SRGAP1: variants seen among roughly 807,000 people sequenced by gnomAD.
SRGAP1 encodes SLIT-ROBO Rho GTPase activating protein 1.
Under a neutral mutation model 121.9 loss-of-function variants are expected in SRGAP1, and 43 were observed. That is an observed-to-expected ratio of 0.35 (90% CI 0.28 to 0.46). SRGAP1 has a LOEUF of 0.46. Ranked by LOEUF, SRGAP1 falls within the 20% of genes least tolerant of loss-of-function variation. SRGAP1 has a pLI of 1.00. For missense variants in SRGAP1, 1,102 were observed against 1,350.9 expected (o/e 0.82, Z 2.89); for synonymous variants, 447 against 485.4 (o/e 0.92, Z 1.04).
intron 4 of SRGAP1, among the ~76,000 whole-genome samples, chr12:64,037,028 C>T (rs1287938719): frequency 6.6e-6 from 1 of 152,144 alleles, no homozygotes; most frequent in Non-Finnish European, 1.5e-5. Flanking sequence ...AAAGACAATA[C>T]TTGTCTTGGC....
chr12:64,113,686 C>G (rs1343846443), intron 17 of SRGAP1, among the ~76,000 whole-genome samples: 1 of 152,032 alleles, frequency 6.6e-6, no homozygotes, highest in African/African-American at 2.4e-5. Flanking sequence ...TTTCTTGAAC[C>G]CCTATTATAT....
chr12:64,039,701 A>G (rs2034976697), intron 4 of SRGAP1, among the ~76,000 whole-genome samples: 1 of 129,272 alleles, frequency 7.7e-6, no homozygotes, highest in South Asian at 2.7e-4. Flanking sequence ...CCAAGACCCA[A>G]ATATAATAGT....
intron 1 of SRGAP1, chr12:63,887,711 GA>G (rs1370063463): frequency 2.0e-5 from 3 of 152,218 alleles, no homozygotes; most frequent in Non-Finnish European, 4.4e-5. Flanking sequence ...TCTCCCCCGG[GA>G]ATCATGTGCT....
intron 6 of SRGAP1, among the ~76,000 whole-genome samples, chr12:64,052,709 C>T (rs1364199355): frequency 1.3e-5 from 2 of 152,092 alleles, no homozygotes; most frequent in African/African-American, 4.8e-5. Context: ...CTTGTACCTG[C>T]CAATCTTTTA....
At chr12:64,095,089 A>C in intron 13 of SRGAP1, 38 bp from the exon 14 acceptor site, 2 of 1,609,918 alleles carry the variant, frequency 1.2e-6, no homozygotes, top group Non-Finnish European at 1.7e-6. Context: ...AGACAATGTG[A>C]TGGGGGTTTT....
intron 1 of SRGAP1, among the ~76,000 whole-genome samples, chr12:63,849,962 C>T (rs145276852): frequency 2.2e-4 from 33 of 152,274 alleles, no homozygotes; most frequent in African/African-American, 7.5e-4. Context: ...ATTGTTGGAA[C>T]TAAGAGAGCA....
intron 2 of SRGAP1, among the ~76,000 whole-genome samples, chr12:63,988,633 G>A (rs1268535041): frequency 2.0e-5 from 3 of 152,102 alleles, no homozygotes; most frequent in African/African-American, 7.2e-5. Flanking sequence ...TAATGGCAGA[G>A]GCCCAACTTC....
intron 1 of SRGAP1, chr12:63,983,285 A>T (rs1054760199): frequency 6.6e-6 from 1 of 152,204 alleles, no homozygotes; most frequent in African/African-American, 2.4e-5. Context: ...CTCAAAAGGG[A>T]TAGCTGAGGT....
At position 64,160,812 on chromosome 12, in the gene SRGAP1, G is replaced by C. The variant is rs1299241162; in HGVS notation, c.*18140G>C. The C allele has an allele frequency of 6.6e-6, 1 of 152,186 alleles. No individual in the cohort carries two copies. Among genetic ancestry groups the C allele is most frequent in the Non-Finnish European group, 1.5e-5 (1 of 68,036 alleles). 9.4% of individuals were successfully genotyped at this position (152,186 alleles called of 1,614,324 possible). On this transcript the variant is annotated 3_prime_UTR_variant, in exon 22 of 22. Coordinates refer to ENST00000355086, the MANE Select transcript of SRGAP1 (RefSeq NM_020762.4). ...GCATGAAAAGGCAGAGCCAAGGAGA[G>C]ATCGACAAACAAGAAGGATTGTGCC...
chr12:63,966,348 G>T (rs2032790104), intron 1 of SRGAP1, among the ~76,000 whole-genome samples: 1 of 152,114 alleles, frequency 6.6e-6, no homozygotes, highest in African/African-American at 2.4e-5. Context: ...ACAGGTTAAT[G>T]AGATTGATTT....
chr12:63,993,073 A>G (rs1017733932), intron 3 of SRGAP1, among the ~76,000 whole-genome samples: 3 of 152,222 alleles, frequency 2.0e-5, no homozygotes, highest in Non-Finnish European at 2.9e-5. Context: ...CACAGGGAGA[A>G]ATCAGAGTTT....
chr12:63,875,582 ACAACT>A (rs1195284623), intron 1 of SRGAP1, among the ~76,000 whole-genome samples: 10 of 152,230 alleles, frequency 6.6e-5, no homozygotes, highest in Non-Finnish European at 7.3e-5. Context: ...AATTTACAAC[ACAACT>A]CAGTAAATAA....
At chr12:63,959,696 T>C (rs1324057885) in intron 1 of SRGAP1, among the ~76,000 whole-genome samples, 1 of 110,700 alleles carries the variant, frequency 9.0e-6, no homozygotes, top group East Asian at 2.6e-4. Flanking sequence ...TAATTACGTT[T>C]ATTGAAGATC....
Position 64,152,910 on chromosome 12 carries a change from T to A in SRGAP1, c.*10238T>A, listed in dbSNP as rs1224404383. The A allele has an allele frequency of 4.5e-5, 5 of 110,910 alleles. No homozygotes were observed. Among genetic ancestry groups the A allele is most frequent in the Non-Finnish European group, 8.9e-5 (5 of 56,334 alleles). 6.9% of individuals were successfully genotyped at this position (110,910 alleles called of 1,614,324 possible). A position where few individuals can be genotyped will look rare whatever the true frequency, so the allele number is the denominator to read the frequency against. ...CATGGAGTGTACTTCCTGGTATGAT[T>A]TAAAAAAAAAAAAAAAAAAAAAAAA... On this transcript the variant is annotated 3_prime_UTR_variant, in exon 22 of 22. Coordinates refer to ENST00000355086, the MANE Select transcript of SRGAP1 (RefSeq NM_020762.4).
At chr12:63,976,044 ATCTT>A (rs1262496328) in intron 1 of SRGAP1, among the ~76,000 whole-genome samples, 4 of 152,184 alleles carry the variant, frequency 2.6e-5, no homozygotes, top group Admixed American at 6.5e-5. Flanking sequence ...CTGATTATAA[ATCTT>A]CCTTGTTTAA....
At chr12:64,056,168 A>C (rs77224174) in intron 6 of SRGAP1, among the ~76,000 whole-genome samples, 1 of 152,102 alleles carries the variant, frequency 6.6e-6, no homozygotes, top group African/African-American at 2.4e-5. Context: ...AAATCCTGTC[A>C]TCTTTACCTC....
In SRGAP1 at chr12:64,088,177, A is replaced by C. The variant is rs2136578046; in HGVS notation, c.1436+1151A>C. Among the ~76,000 whole-genome samples the C allele has an allele frequency of 1.3e-5, 2 of 152,306 alleles. 1 individual carries two copies. The highest frequency in any genetic ancestry group is 6.8e-3 in the Middle Eastern group (2 of 294). On this transcript the variant is annotated intron_variant, in intron 11 of 21. Coordinates refer to ENST00000355086, the MANE Select transcript of SRGAP1 (RefSeq NM_020762.4). Reference sequence around the variant, plus strand: ...AGGAAGCCCCTCGTACTTCATGGTAAACCAACTAGAAAGATACAGCTCCTG... The same window carrying C: ...AGGAAGCCCCTCGTACTTCATGGTACACCAACTAGAAAGATACAGCTCCTG...
At position 64,043,501 on chromosome 12, in the gene SRGAP1, T is replaced by C. The variant is rs754748539; in HGVS notation, c.727T>C (p.Tyr243His). 2.5e-6 allele frequency: 4 copies of C among 1,612,668 alleles called. No homozygotes were observed. Among genetic ancestry groups the C allele is most frequent in the Admixed American group, 3.3e-5 (2 of 59,840 alleles). The change falls in exon 6 of 22, where the codon TAT becomes CAT. Residue 243 changes from tyrosine to histidine, a missense_variant. By Grantham distance (83) the Tyr-to-His change is moderately conservative. This residue lies in a region of SRGAP1 where 747 missense variants were observed against 929.4 expected (regional missense o/e 0.80). Coordinates refer to ENST00000355086, the MANE Select transcript of SRGAP1 (RefSeq NM_020762.4). The stretch of plus-strand genomic sequence containing the variant: ...AAAATCAATTAAGGCACGGAACGAA[T>C]ATCTCCTAACACTTGAAGCCACCAA... ...KLKSIKARNE[Y>H]LLTLEATNAS...
intron 4 of SRGAP1, among the ~76,000 whole-genome samples, chr12:64,033,138 GT>G (rs2034820321): frequency 6.6e-6 from 1 of 151,948 alleles, no homozygotes; most frequent in Non-Finnish European, 1.5e-5. Context: ...CTTTGCATAT[GT>G]GTTCTCCATT....
Sources: allele counts gnomAD v4.1 joint callset (sites outside exome capture counted in the v4.1 genomes callset), GRCh38; gene constraint gnomAD v4.1.1; regional missense constraint gnomAD v4.1.1; transcripts MANE v1.5; gene names NCBI Gene and HGNC (gene_info 2026-07-23, HGNC 2026-07-21).